The following KCNH5 variants were observed in gnomAD, a reference collection of about 807,000 sequenced individuals.
KCNH5 encodes voltage-gated delayed rectifier potassium channel KCNH5.
KCNH5 carries 46 observed loss-of-function variants against 96.1 expected under a neutral mutation model. That is an observed-to-expected ratio of 0.48 (90% CI 0.38 to 0.61). The LOEUF is 0.61. Ranked by LOEUF, KCNH5 falls within the 20% of genes least tolerant of loss-of-function variation. The pLI is 0.00. For synonymous variants in KCNH5, 439 were observed against 449.8 expected (o/e 0.98, Z 0.30); for missense variants, 907 against 1,225.8 (o/e 0.74, Z 3.88).
At chr14:62,940,236 G>T (rs1051795252) in intron 7 of KCNH5, among the ~76,000 whole-genome samples, 5 of 151,998 alleles carry the variant, frequency 3.3e-5, no homozygotes, top group Non-Finnish European at 7.4e-5. Context: ...GTTTATGGCT[G>T]TTTTAGCACT....
intron 1 of KCNH5, among the ~76,000 whole-genome samples, chr14:63,022,943 C>A (rs898817202): frequency 2.6e-5 from 4 of 152,118 alleles, no homozygotes; most frequent in African/African-American, 9.7e-5. Flanking sequence ...CGGTGACTCA[C>A]ACTTGTAATC....
At chr14:62,922,133 A>G (rs1443689488) in intron 7 of KCNH5, among the ~76,000 whole-genome samples, 1 of 152,058 alleles carries the variant, frequency 6.6e-6, no homozygotes, top group African/African-American at 2.4e-5. Flanking sequence ...TCAGTTGCAT[A>G]TAGGGGTCTT....
chr14:62,752,852 A>G (rs1485933128), intron 10 of KCNH5, among the ~76,000 whole-genome samples: 2 of 152,140 alleles, frequency 1.3e-5, no homozygotes, highest in African/African-American at 2.4e-5. Context: ...TTTGCCTTCC[A>G]CCATGATTGT....
At chr14:62,924,212 T>C (rs1044364781) in intron 7 of KCNH5, among the ~76,000 whole-genome samples, 1 of 151,952 alleles carries the variant, frequency 6.6e-6, no homozygotes, top group African/African-American at 2.4e-5. Flanking sequence ...AAGAAGCATA[T>C]GAGAAGGTAC....
chr14:62,820,421 G>A (rs569585481), intron 8 of KCNH5, among the ~76,000 whole-genome samples: 91 of 150,716 alleles, frequency 6.0e-4, no homozygotes, highest in African/African-American at 2.1e-3. Context: ...TTGTTGTACA[G>A]ATTATTTCAT....
chr14:62,984,648 T>C (rs1473074861), intron 5 of KCNH5, among the ~76,000 whole-genome samples: 1 of 152,140 alleles, frequency 6.6e-6, no homozygotes, highest in Non-Finnish European at 1.5e-5. Flanking sequence ...TTGTTATTTC[T>C]GTATGCTCTC....
At chr14:62,945,811 G>A (rs1361545890) in intron 7 of KCNH5, among the ~76,000 whole-genome samples, 1 of 152,054 alleles carries the variant, frequency 6.6e-6, no homozygotes, top group Admixed American at 6.6e-5. Context: ...TCTGAGACAG[G>A]CCTAAGACTG....
At chr14:62,843,796 A>T (rs1353681548) in intron 8 of KCNH5, among the ~76,000 whole-genome samples, 1 of 152,158 alleles carries the variant, frequency 6.6e-6, no homozygotes, top group South Asian at 2.1e-4. Flanking sequence ...ACTATGATAT[A>T]TACCATCACG....
intron 7 of KCNH5, among the ~76,000 whole-genome samples, chr14:62,937,988 G>T (rs953334509): frequency 6.6e-6 from 1 of 152,152 alleles, no homozygotes; most frequent in African/African-American, 2.4e-5. Context: ...TCTAAGAAAA[G>T]TTCCCGAGGT....
chr14:62,712,583 T>C (rs1345221848), intron 10 of KCNH5: 2 of 718,498 alleles, frequency 2.8e-6, no homozygotes, highest in African/African-American at 1.7e-5. Flanking sequence ...CTCCTGCTCC[T>C]CAAGGTAACT....
chr14:62,914,945 T>C (rs540617622), intron 7 of KCNH5, among the ~76,000 whole-genome samples: 8 of 152,214 alleles, frequency 5.3e-5, no homozygotes, highest in Non-Finnish European at 1.2e-4. Context: ...GATTTGGGAT[T>C]TTACGTTCCT....
chr14:62,997,724 C>T (rs977364554), intron 4 of KCNH5, among the ~76,000 whole-genome samples: 21 of 151,190 alleles, frequency 1.4e-4, no homozygotes, highest in African/African-American at 4.6e-4. Flanking sequence ...AGTGAAACCC[C>T]GTCTCTACTA....
At chr14:63,029,940 A>T (rs1036372693) in intron 1 of KCNH5, among the ~76,000 whole-genome samples, 1 of 152,156 alleles carries the variant, frequency 6.6e-6, no homozygotes, top group African/African-American at 2.4e-5. Context: ...GCTTTAAAAC[A>T]TGTTGAGGAA....
intron 7 of KCNH5, among the ~76,000 whole-genome samples, chr14:62,854,789 A>T (rs1387237406): frequency 6.6e-6 from 1 of 151,740 alleles, no homozygotes. Context: ...CAAATGCCTT[A>T]CATAGAAAGT....
chr14:62,924,032 G>A (rs945728746), intron 7 of KCNH5, among the ~76,000 whole-genome samples: 7 of 151,590 alleles, frequency 4.6e-5, no homozygotes, highest in Admixed American at 2.0e-4. Flanking sequence ...ATGAAAAGGC[G>A]ACCTACAGAA....
At chr14:62,937,555 T>A (rs773848169) in intron 7 of KCNH5, among the ~76,000 whole-genome samples, 2 of 152,174 alleles carry the variant, frequency 1.3e-5, no homozygotes, top group Middle Eastern at 3.2e-3. Flanking sequence ...CATTTCTTTT[T>A]CACAGAAGTA....
At chr14:62,980,749 G>C in intron 6 of KCNH5, 123 bp downstream of exon 6, 1 of 980,914 alleles carries the variant, frequency 1.0e-6, no homozygotes, top group Middle Eastern at 2.8e-4. Context: ...TTTTGGCAAG[G>C]GTTTCAAGAA....
At chr14:62,788,018 C>G (rs998538332) in intron 9 of KCNH5, among the ~76,000 whole-genome samples, 2 of 152,124 alleles carry the variant, frequency 1.3e-5, no homozygotes, top group Non-Finnish European at 2.9e-5. Flanking sequence ...ACTTTCAAGT[C>G]TTATTATTCA....
At position 62,802,521 on chromosome 14, in the gene KCNH5, C is replaced by A. The variant is rs1453474750; in HGVS notation, c.1630G>T (p.Val544Phe). The part of the protein sequence containing the change: ...ADICVHLNRK[V>F]FNEHPAFRLA... ...CGAAAAGCAGGATGTTCATTAAAAA[C>A]CTTCCGGTTTAGATGAACACAGATA... is the stretch of plus-strand genomic sequence containing the variant. The change falls in exon 9 of 11, where the codon GTT becomes TTT. Residue 544 changes from valine (V) to phenylalanine (F), a missense_variant. By Grantham distance (50) the Val-to-Phe change is conservative. This residue lies in a region of KCNH5 where 95 missense variants were observed against 111.8 expected (regional missense o/e 0.85). Transcript: ENST00000322893. 1 of 1,614,154 alleles carries A rather than the reference C, an allele frequency of 6.2e-7. No individual in the cohort carries two copies. The highest frequency in any genetic ancestry group is 8.5e-7 in the Non-Finnish European group (1 of 1,180,016).
Sources: gnomAD v4.1 joint callset for allele counts (sites outside exome capture counted in the v4.1 genomes callset) on GRCh38, gnomAD v4.1.1 for gene constraint, gnomAD v4.1.1 regional missense constraint, MANE v1.5 for transcripts, NCBI Gene and HGNC (gene_info 2026-07-23, HGNC 2026-07-21) for gene names.